Variants in APOB observed in about 807,000 individuals in gnomAD.
APOB encodes apolipoprotein B-100.
Under a neutral mutation model 314.1 loss-of-function variants are expected in APOB, and 153 were observed. That is an observed-to-expected ratio of 0.49 (90% CI 0.43 to 0.56). The LOEUF is 0.56. Among genes scored for constraint, APOB ranks in the 20% least tolerant of loss-of-function variants. APOB has a pLI of 0.00. For missense variants in APOB, 5,430 were observed against 5,350.7 expected (o/e 1.01, Z -0.46); for synonymous variants, 2,087 against 2,036.4 (o/e 1.02, Z -0.67).
In APOB at chr2:21,032,544, G is replaced by A; in HGVS notation, c.1162C>T (p.Pro388Ser). ...TLQALVQCGQ[P>S]QCSTHILQWL... is the part of the protein sequence containing the mutation. ...TGGAGGATGTGAGTGGAGCACTGAG[G>A]CTGTCCACACTGAACCAAGGCTTGT... The change falls in exon 10 of 29, where the codon CCT becomes TCT. Residue 388 changes from proline (P) to serine (S), a missense_variant. Physicochemically the swap from Pro to Ser is moderately conservative, Grantham distance 74. Coordinates refer to ENST00000233242, the MANE Select transcript of APOB (RefSeq NM_000384.3). 1 of 1,614,182 alleles carries A rather than the reference G, an allele frequency of 6.2e-7. No homozygotes were observed. The highest frequency in any genetic ancestry group is 1.1e-5 in the South Asian group (1 of 91,078).
chr2:21,028,097 A>C (rs549861013), intron 13 of APOB, 32 bp from the exon 14 acceptor site: 1 of 1,452,034 alleles, frequency 6.9e-7, no homozygotes, highest in South Asian at 1.1e-5. Flanking sequence ...TTGAGCTGAC[A>C]CACCATGTTA....
Position 21,006,217 on chromosome 2 carries a change from C to T in APOB, c.10651G>A (p.Ala3551Thr). Residue 3551 changes from alanine to threonine, a missense_variant, in exon 26 of 29, where the codon GCT becomes ACT. Coordinates refer to ENST00000233242, the MANE Select transcript of APOB (RefSeq NM_000384.3). ...ATGCGTTGGAGTGTGGCTTCTCCAG[C>T]AAAATTTTCTTTTACTTCAAGGTTC... The part of the protein sequence containing the change: ...IWNLEVKENF[A>T]GEATLQRIYS... 1 of 1,614,002 alleles carries T rather than the reference C, an allele frequency of 6.2e-7. No homozygotes were observed.
rs1377752682 is a variant in APOB at position 21,032,381 on chromosome 2, A to C, written c.1325T>G (p.Leu442Trp). The C allele has an allele frequency of 8.7e-6, 14 of 1,613,894 alleles. No individual in the cohort carries two copies. The South Asian group carries it at 1.4e-4, about 16-fold the overall frequency. The change falls in exon 10 of 29, where the codon TTG (leucine) becomes TGG (tryptophan). Residue 442 changes from leucine (L) to tryptophan (W), a missense_variant. Transcript: ENST00000233242. ...MARDQRSRAT[L>W]YALSHAVNNY... ...GTTGACCGCGTGGCTCAGCGCATAC[A>C]AGGTGGCTCGGCTGCGCTGATCCCT...
At chr2:21,027,042 GT>G (rs1663747176) in intron 14 of APOB, 78 bp from the exon 15 acceptor site, 1 of 1,321,074 alleles carries the variant, frequency 7.6e-7, no homozygotes, top group African/African-American at 1.5e-5. Context: ...CACTCTTGAT[GT>G]CCATTTATCT....
rs1401618189 is a variant in APOB, at chr2:21,010,954, G to T, written c.5914C>A (p.Leu1972Ile). The change falls in exon 26 of 29, where the codon CTT becomes ATT. Residue 1972 changes from leucine (L) to isoleucine (I), a missense_variant. Coordinates refer to ENST00000233242, the MANE Select transcript of APOB (RefSeq NM_000384.3). ...GTGCCTGTCTGCTCAGCTGGAGTAA[G>T]CAGGGCACTGACTTTGTGTTCAAGA... ...AALEHKVSALLTPAEQTGTWK... is the reference protein window; with the variant it reads ...AALEHKVSALITPAEQTGTWK... The T allele has an allele frequency of 6.2e-7, 1 of 1,614,034 alleles. No homozygotes were observed. The highest frequency in any genetic ancestry group is 1.3e-5 in the African/African-American group (1 of 74,918).
intron 25 of APOB, among the ~76,000 whole-genome samples, 176 bp downstream of exon 25, chr2:21,012,984 A>C (rs1663368961): frequency 6.6e-6 from 1 of 152,238 alleles, no homozygotes; most frequent in Non-Finnish European, 1.5e-5. Context: ...TAGAATATTT[A>C]ATACACGTGA....
rs1327252154 is a variant in APOB at position 21,003,171 on chromosome 2, T to C, written c.12251A>G (p.Tyr4084Cys). Residue 4084 changes from tyrosine to cysteine, a missense_variant, in exon 29 of 29, where the codon TAT (tyrosine) becomes TGT (cysteine). Physicochemically the swap from Tyr to Cys is radical, Grantham distance 194 (BLOSUM62 -2). Transcript: ENST00000233242. The part of the protein sequence containing the change: ...VPKATGVLYD[Y>C]VNKYHWEHTG... The stretch of plus-strand genomic sequence containing the variant: ...GTGTTCCCAGTGGTACTTGTTGACA[T>C]AATCATAAAGGACCCCTGTGGCCTT... 1 of 1,613,878 alleles carries C rather than the reference T, an allele frequency of 6.2e-7. No homozygotes were observed. The highest frequency in any genetic ancestry group is 8.5e-7 in the Non-Finnish European group (1 of 1,179,944).
chr2:21,029,993 C>T lies in APOB; in HGVS notation c.1375G>A (p.Gly459Arg). The change falls in exon 11 of 29, where the codon GGG becomes AGG. Residue 459 changes from glycine (G) to arginine (R), a missense_variant. By Grantham distance (125) the Gly-to-Arg change is moderately radical. Coordinates refer to ENST00000233242, the MANE Select transcript of APOB (RefSeq NM_000384.3). ...GCAATGTCCAGCAGCTCCTGGGTCC[C>T]TGTAGGGTTTGTCTTATGATAGCTA... ...VNNYHKTNPT[G>R]TQELLDIANY... 3 of 1,613,242 alleles carry T rather than the reference C, an allele frequency of 1.9e-6. No homozygotes were observed. The highest frequency in any genetic ancestry group is 2.5e-6 in the Non-Finnish European group (3 of 1,179,194).
intron 13 of APOB, 63 bp from the exon 14 acceptor site, chr2:21,028,128 C>T (rs535509756): frequency 7.8e-7 from 1 of 1,290,008 alleles, no homozygotes; most frequent in South Asian, 1.2e-5. Flanking sequence ...ACTCTTGCAC[C>T]CCAAGTAAAT....
chr2:21,008,496 G>A lies in APOB; in HGVS notation c.8372C>T (p.Ala2791Val). Residue 2791 changes from alanine (A) to valine (V), a missense_variant, in exon 26 of 29, where the codon GCT (alanine) becomes GTT (valine). Physicochemically the swap from Ala to Val is moderately conservative, Grantham distance 64. This residue lies in a region of APOB where 3,281 missense variants were observed against 3,171.0 expected (regional missense o/e 1.03). Coordinates refer to ENST00000233242, the MANE Select transcript of APOB (RefSeq NM_000384.3). ...TTSANEAGIA[A>V]SITAKGESKL... ...GGACTCTCCTTTGGCAGTGATGGAA[G>A]CTGCGATACCTGCTTCGTTTGCTGA... 1.2e-6 allele frequency: 2 copies of A among 1,614,106 alleles called. No individual in the cohort carries two copies. Among genetic ancestry groups the A allele is most frequent in the South Asian group, 1.1e-5 (1 of 91,084 alleles).
intron 25 of APOB, 93 bp from the exon 26 acceptor site, chr2:21,012,744 T>G: frequency 7.1e-7 from 1 of 1,400,950 alleles, no homozygotes; most frequent in Admixed American, 1.9e-5. Flanking sequence ...AAAGCCCCAT[T>G]TTTCTGGGCC....
At position 21,002,032 on chromosome 2, in the gene APOB, C is replaced by G. The variant is rs1662992005; in HGVS notation, c.13390G>C (p.Glu4464Gln). Residue 4464 changes from glutamate (E) to glutamine (Q), a missense_variant, in exon 29 of 29, where the codon GAG (glutamate) becomes CAG (glutamine). This residue lies in a region of APOB where 3,281 missense variants were observed against 3,171.0 expected (regional missense o/e 1.03). Transcript: ENST00000233242. ...GTGGCAGAAAGCTCTGCAATCTTCT[C>G]TTTCCCTTTTCCATCTGGATCGGTA... ...ILTDPDGKGK[E>Q]KIAELSATAQ... 2 of 1,613,890 alleles carry G rather than the reference C, an allele frequency of 1.2e-6. No individual in the cohort carries two copies. The highest frequency in any genetic ancestry group is 2.7e-5 in the African/African-American group (2 of 74,904).
chr2:21,005,612 T>C lies in APOB; in HGVS notation c.11256A>G (p.Pro3752=). Residue 3752 remains proline, a synonymous_variant, in exon 26 of 29, where the codon CCA becomes CCG. Coordinates refer to ENST00000233242, the MANE Select transcript of APOB (RefSeq NM_000384.3). The part of the protein sequence containing the change: ...SVLVMPTFHV[P]FTDLQVPSCK... ...ACGATGGAACCTGAAGATCTGTAAA[T>C]GGGACATGGAACGTAGGCATGACAA... 6.2e-7 allele frequency: 1 copy of C among 1,614,032 alleles called. No individual in the cohort carries two copies. The highest frequency in any genetic ancestry group is 8.5e-7 in the Non-Finnish European group (1 of 1,179,960).
intron 8 of APOB, among the ~76,000 whole-genome samples, 191 bp from the exon 9 acceptor site, chr2:21,033,709 C>T (rs922704215): frequency 1.3e-5 from 2 of 152,152 alleles, no homozygotes; most frequent in African/African-American, 4.8e-5. Context: ...TCATCCTATC[C>T]CTGTGGGGTG....
chr2:21,038,373 G>C (rs1360288462), intron 4 of APOB, among the ~76,000 whole-genome samples: 2 of 151,170 alleles, frequency 1.3e-5, no homozygotes, highest in Non-Finnish European at 2.9e-5. Context: ...GTCTCGCTCG[G>C]TCGCCCGGGC....
At chr2:21,018,383 G>C (rs1406517837) in intron 20 of APOB, among the ~76,000 whole-genome samples, 2 of 152,148 alleles carry the variant, frequency 1.3e-5, no homozygotes, top group Non-Finnish European at 2.9e-5. Flanking sequence ...TGGCCTATGA[G>C]ATTATCCTTC....
At position 21,008,014 on chromosome 2, in the gene APOB, C is replaced by T. The variant is rs146948666; in HGVS notation, c.8854G>A (p.Gly2952Arg). 1.2e-6 allele frequency: 2 copies of T among 1,614,068 alleles called. No homozygotes were observed. The highest frequency in any genetic ancestry group is 1.7e-5 in the Admixed American group (1 of 60,010). The change falls in exon 26 of 29, where the codon GGA becomes AGA. Residue 2952 changes from glycine to arginine, a missense_variant. Physicochemically the swap from Gly to Arg is moderately radical, Grantham distance 125 (BLOSUM62 -2). This residue lies in a region of APOB where 3,281 missense variants were observed against 3,171.0 expected (regional missense o/e 1.03). Coordinates refer to ENST00000233242, the MANE Select transcript of APOB (RefSeq NM_000384.3). ...HESQISFTIE[G>R]PLTSFGLSNK... is the part of the protein sequence containing the mutation. ...GACAGTCCAAAGGAAGTGAGGGGTC[C>T]TTCTATGGTGAAACTAATTTGTGAT...
In APOB at chr2:21,023,194, C is replaced by T. The variant is rs1479938595; in HGVS notation, c.2605-152G>A. On this transcript the variant is annotated intron_variant, in intron 17 of 28. Coordinates refer to ENST00000233242, the MANE Select transcript of APOB (RefSeq NM_000384.3). Reference sequence around the variant, plus strand: ...TGGGATTTGTTTGGAAGAAGGAAAGCGAGTTCTCAGTTCTCTAGAGTTGGA... The same window carrying T: ...TGGGATTTGTTTGGAAGAAGGAAAGTGAGTTCTCAGTTCTCTAGAGTTGGA... The T allele has an allele frequency of 1.7e-5, 14 of 819,708 alleles. No individual in the cohort carries two copies. The East Asian group carries it at 2.4e-4, about 14-fold the overall frequency. 50.8% of individuals were successfully genotyped at this position (819,708 alleles called of 1,614,324 possible). A position where few individuals can be genotyped will look rare whatever the true frequency, so the allele number is the denominator to read the frequency against.
chr2:21,021,745 G>A lies in APOB; in HGVS notation c.2816+1086C>T, dbSNP rs12720791. Reference sequence around the variant, plus strand: ...ACACAGTCCTCAGTTATCAGGTCAAGTACACTTGCTTCAGAATGCATTCCC... The same window carrying A: ...ACACAGTCCTCAGTTATCAGGTCAAATACACTTGCTTCAGAATGCATTCCC... On this transcript the variant is annotated intron_variant, in intron 18 of 28. Transcript: ENST00000233242. 2.1e-3 allele frequency among the ~76,000 whole-genome samples: 317 copies of A among 152,296 alleles called. 1 individual carries two copies. The highest frequency in any genetic ancestry group is 3.6e-3 in the Non-Finnish European group (247 of 68,038).
Sources: allele counts gnomAD v4.1 joint callset (sites outside exome capture counted in the v4.1 genomes callset), GRCh38; gene constraint gnomAD v4.1.1; regional missense constraint gnomAD v4.1.1; transcripts MANE v1.5; gene names NCBI Gene and HGNC (gene_info 2026-07-23, HGNC 2026-07-21).